Variants in CCDC148 observed in about 807,000 individuals in gnomAD.
The protein encoded by CCDC148 is coiled-coil domain-containing protein 148.
In CCDC148, 89 loss-of-function variants were observed where a neutral mutation model predicts 85.7. The observed-to-expected ratio is 1.04, with a 90% CI of 0.87 to 1.24. The LOEUF is 1.24. Among genes scored for constraint, CCDC148 ranks in the 50% most tolerant of loss-of-function variants. The pLI is 0.00. For missense variants in CCDC148, 692 were observed against 671.7 expected (o/e 1.03, Z -0.33); for synonymous variants, 230 against 213.9 (o/e 1.08, Z -0.66).
intron 3 of CCDC148, among the ~76,000 whole-genome samples, chr2:158,342,021 CTTTTCTTT>C (rs1249311446): frequency 1.3e-4 from 11 of 85,638 alleles, no homozygotes; most frequent in East Asian, 3.8e-4. Context: ...TCATTATTTT[CTTTTCTTT>C]TTTTTTTTTT....
At chr2:158,282,450 G>T (rs1690371776) in intron 9 of CCDC148, among the ~76,000 whole-genome samples, 1 of 152,166 alleles carries the variant, frequency 6.6e-6, no homozygotes, top group African/African-American at 2.4e-5. Context: ...CAAAATCAAT[G>T]TACAAAAATC....
intron 11 of CCDC148, among the ~76,000 whole-genome samples, chr2:158,204,130 T>TA (rs1179306086): frequency 6.6e-6 from 1 of 152,182 alleles, no homozygotes; most frequent in Non-Finnish European, 1.5e-5. Flanking sequence ...ATGTGCCAGA[T>TA]ACAAAGGTAG....
intron 1 of CCDC148, among the ~76,000 whole-genome samples, chr2:158,429,150 G>C (rs557774616): frequency 7.2e-5 from 11 of 152,020 alleles, no homozygotes; most frequent in African/African-American, 1.9e-4. Context: ...GTGGGGGCAG[G>C]GGGGAGGGAT....
At chr2:158,201,937 G>A (rs1347201328) in intron 11 of CCDC148, among the ~76,000 whole-genome samples, 1 of 152,156 alleles carries the variant, frequency 6.6e-6, no homozygotes, top group African/African-American at 2.4e-5. Flanking sequence ...TCAATGTAGT[G>A]ATAAAGTGTC....
chr2:158,422,755 A>C (rs1392572060), intron 1 of CCDC148, among the ~76,000 whole-genome samples: 5 of 152,150 alleles, frequency 3.3e-5, no homozygotes, highest in Admixed American at 1.3e-4. Flanking sequence ...AGGAGAAAGA[A>C]ATAAAGGGTA....
At position 158,340,290 on chromosome 2, in the gene CCDC148, C is replaced by A; in HGVS notation, c.438G>T (p.Gln146His). The A allele has an allele frequency of 6.2e-7, 1 of 1,613,908 alleles. No homozygotes were observed. The highest frequency in any genetic ancestry group is 1.3e-5 in the African/African-American group (1 of 75,020). Reference sequence around the variant, plus strand: ...TAAACTCAATATGTGGGTGTGAATGCTGCAAAGTGTGATGCTGTCTGTATT... The same window carrying A: ...TAAACTCAATATGTGGGTGTGAATGATGCAAAGTGTGATGCTGTCTGTATT... ...DLKYRQHHTL[Q>H]HSHPHIEFNS... Residue 146 changes from glutamine to histidine, a missense_variant, in exon 5 of 14, where the codon CAG becomes CAT. Coordinates refer to ENST00000283233, the MANE Select transcript of CCDC148 (RefSeq NM_138803.4).
intron 9 of CCDC148, among the ~76,000 whole-genome samples, chr2:158,278,787 C>A (rs184640696): frequency 1.3e-5 from 2 of 152,274 alleles, no homozygotes; most frequent in Non-Finnish European, 2.9e-5. Context: ...GTTCTCCCAG[C>A]ACGCGGATGG....
chr2:158,301,865 A>T (rs1374793026), intron 9 of CCDC148, among the ~76,000 whole-genome samples: 2 of 152,230 alleles, frequency 1.3e-5, no homozygotes, highest in Non-Finnish European at 2.9e-5. Flanking sequence ...CTGAGAAGTC[A>T]GAAGTTCTTG....
intron 2 of CCDC148, among the ~76,000 whole-genome samples, chr2:158,356,411 G>T (rs879274986): frequency 0.073 from 10,348 of 141,764 alleles, 532 homozygotes; most frequent in Middle Eastern, 0.12. Context: ...CCATCAAAAA[G>T]TGGGCGAAGG....
At chr2:158,298,928 T>G (rs188918111) in intron 9 of CCDC148, among the ~76,000 whole-genome samples, 1 of 152,324 alleles carries the variant, frequency 6.6e-6, no homozygotes, top group Admixed American at 6.5e-5. Context: ...TCATCATATT[T>G]TGGACATTGT....
At chr2:158,388,783 C>T (rs1480418412) in intron 1 of CCDC148, among the ~76,000 whole-genome samples, 1 of 152,148 alleles carries the variant, frequency 6.6e-6, no homozygotes, top group Non-Finnish European at 1.5e-5. Flanking sequence ...GTGTGAGCCA[C>T]CACACTGGCC....
intron 1 of CCDC148, among the ~76,000 whole-genome samples, chr2:158,443,175 A>G (rs1012655397): frequency 6.6e-6 from 1 of 152,034 alleles, no homozygotes; most frequent in Non-Finnish European, 1.5e-5. Flanking sequence ...ACAAAAAAAA[A>G]CAAACAAAAA....
intron 9 of CCDC148, among the ~76,000 whole-genome samples, chr2:158,291,490 C>CATCT (rs1394060413): frequency 1.3e-5 from 2 of 152,226 alleles, no homozygotes; most frequent in East Asian, 3.8e-4. Flanking sequence ...AAGACTGGCT[C>CATCT]ATCTCTTCCC....
At chr2:158,420,351 C>T (rs913329966) in intron 1 of CCDC148, among the ~76,000 whole-genome samples, 2 of 152,152 alleles carry the variant, frequency 1.3e-5, no homozygotes. Context: ...GGTCGAGTTA[C>T]TCACAAAGGG....
chr2:158,227,020 C>T (rs1230770707), intron 10 of CCDC148, among the ~76,000 whole-genome samples: 3 of 152,110 alleles, frequency 2.0e-5, no homozygotes, highest in South Asian at 2.1e-4. Context: ...CAAATTGTCC[C>T]TGTTTGCAGA....
At chr2:158,184,636 A>T (rs1199584521) in intron 11 of CCDC148, among the ~76,000 whole-genome samples, 1 of 152,154 alleles carries the variant, frequency 6.6e-6, no homozygotes, top group Non-Finnish European at 1.5e-5. Flanking sequence ...AACTTGTAAA[A>T]TGACTTGCAA....
rs778054959 is a variant in CCDC148, at chr2:158,309,432, C to A, written c.1110+1G>T. On this transcript the variant is annotated splice_donor_variant, in intron 9 of 13. Coordinates refer to ENST00000283233, the MANE Select transcript of CCDC148 (RefSeq NM_138803.4). LOFTEE classifies it high-confidence loss of function. The stretch of plus-strand genomic sequence containing the variant: ...ACTGAAACACCTGTGCAGCATCTTA[C>A]CTTGGCTTTCAGATCAGCACACAAT... 3.1e-6 allele frequency: 5 copies of A among 1,612,204 alleles called. No homozygotes were observed. The highest frequency in any genetic ancestry group is 4.2e-6 in the Non-Finnish European group (5 of 1,178,646).
intron 1 of CCDC148, 71 bp downstream of exon 1, chr2:158,456,344 A>AT: frequency 2.0e-6 from 3 of 1,513,982 alleles, no homozygotes; most frequent in Non-Finnish European, 1.8e-6. Flanking sequence ...GAGAACAAAC[A>AT]TAAGTAGGAT....
chr2:158,344,257 G>A (rs981850534), intron 3 of CCDC148, among the ~76,000 whole-genome samples: 2 of 152,044 alleles, frequency 1.3e-5, no homozygotes, highest in Non-Finnish European at 2.9e-5. Context: ...TGTATTTAAA[G>A]TAGCTGTATG....
Sources: gnomAD v4.1 joint callset for allele counts (sites outside exome capture counted in the v4.1 genomes callset) on GRCh38, gnomAD v4.1.1 for gene constraint, MANE v1.5 for transcripts, NCBI Gene and HGNC (gene_info 2026-07-23, HGNC 2026-07-21) for gene names.